The following TINAG variants were observed in gnomAD, a reference collection of about 807,000 sequenced individuals.
TINAG encodes tubulointerstitial nephritis antigen.
In TINAG, 83 loss-of-function variants were observed where a neutral mutation model predicts 72.7. The ratio of observed to expected loss-of-function variants is 1.14; its 90% CI spans 0.96 to 1.37. The LOEUF is 1.37. Ranked by LOEUF, TINAG falls within the 40% of genes most tolerant of loss-of-function variation. The probability of loss-of-function intolerance (pLI) is 0.00; values close to 1 mark genes in which losing one functional copy is unlikely to be tolerated. For missense variants in TINAG, 685 were observed against 576.6 expected (o/e 1.19, Z -1.93); for synonymous variants, 234 against 189.9 (o/e 1.23, Z -1.91).
intron 9 of TINAG, among the ~76,000 whole-genome samples, chr6:54,371,293 G>A (rs1489654116): frequency 2.6e-5 from 4 of 151,950 alleles, no homozygotes; most frequent in Non-Finnish European, 5.9e-5. Context: ...CAGGCAGGTC[G>A]TATGATCTCT....
intron 3 of TINAG, among the ~76,000 whole-genome samples, chr6:54,324,209 T>A (rs1743869994): frequency 6.6e-6 from 1 of 152,180 alleles, no homozygotes; most frequent in South Asian, 2.1e-4. Flanking sequence ...TCTTTTCACA[T>A]CAGCAATTTG....
intron 4 of TINAG, among the ~76,000 whole-genome samples, chr6:54,332,186 A>G (rs560248213): frequency 1.3e-5 from 2 of 152,136 alleles, no homozygotes; most frequent in Non-Finnish European, 2.9e-5. Flanking sequence ...AAGAACAAAG[A>G]TGGAGGCATC....
At chr6:54,370,500 C>T (rs1260067404) in intron 9 of TINAG, among the ~76,000 whole-genome samples, 1 of 151,940 alleles carries the variant, frequency 6.6e-6, no homozygotes, top group Non-Finnish European at 1.5e-5. Context: ...CAAGTTTATT[C>T]TTAATTCAAA....
At position 54,390,063 on chromosome 6, in the gene TINAG, C is replaced by T. The variant is rs1330886638; in HGVS notation, c.*138C>T. The T allele has an allele frequency of 1.2e-5, 15 of 1,213,274 alleles. No individual in the cohort carries two copies. Among genetic ancestry groups the T allele is most frequent in the South Asian group, 3.0e-5 (2 of 66,972 alleles). 75.2% of individuals were successfully genotyped at this position (1,213,274 alleles called of 1,614,324 possible). Reference sequence around the variant, plus strand: ...TAATCTATCTATTTTCTTATTTTCCCCTCTGGTCTATGCTTCTGCTTCCTT... The same window carrying T: ...TAATCTATCTATTTTCTTATTTTCCTCTCTGGTCTATGCTTCTGCTTCCTT... On this transcript the variant is annotated 3_prime_UTR_variant, in exon 11 of 11. Transcript: ENST00000259782.
intron 9 of TINAG, among the ~76,000 whole-genome samples, chr6:54,373,906 A>G (rs1395697477): frequency 6.6e-6 from 1 of 152,094 alleles, no homozygotes; most frequent in Non-Finnish European, 1.5e-5. Context: ...GTCAATTGTC[A>G]TTGATCATGA....
At chr6:54,339,221 A>C (rs942174116) in intron 4 of TINAG, among the ~76,000 whole-genome samples, 2 of 152,182 alleles carry the variant, frequency 1.3e-5, no homozygotes, top group African/African-American at 4.8e-5. Context: ...ACGGTTGCTT[A>C]AATAAGATAG....
In TINAG at chr6:54,325,931, A is replaced by G. The variant is rs546172103; in HGVS notation, c.510-871A>G. 3.3e-5 allele frequency among the ~76,000 whole-genome samples: 5 copies of G among 152,194 alleles called. No homozygotes were observed. In the East Asian group the frequency reaches 7.7e-4, roughly 23 times the overall value. ...AATTAAGTTGTGTTTTCAATGATTC[A>G]TAAGAGCCTATCACATTATAAACGA... is the stretch of plus-strand genomic sequence containing the variant. On this transcript the variant is annotated intron_variant, in intron 3 of 10. Transcript: ENST00000259782.
At chr6:54,351,573 T>C (rs1273964489) in intron 8 of TINAG, among the ~76,000 whole-genome samples, 176 bp downstream of exon 8, 1 of 151,972 alleles carries the variant, frequency 6.6e-6, no homozygotes, top group African/African-American at 2.4e-5. Flanking sequence ...TACCTATATC[T>C]TAATTAGCTG....
chr6:54,331,045 C>T (rs57918744), intron 4 of TINAG, among the ~76,000 whole-genome samples: 15,989 of 152,098 alleles, frequency 0.11, 1,584 homozygotes, highest in East Asian at 0.44. Context: ...GGAGCTGGTA[C>T]CATTTCTTCT....
chr6:54,354,780 A>T, intron 9 of TINAG, 144 bp downstream of exon 9: 1 of 962,812 alleles, frequency 1.0e-6, no homozygotes, highest in Non-Finnish European at 1.5e-6. Context: ...GCCACTATTT[A>T]GTCATTATTT....
chr6:54,310,390 C>T (rs1266024686), intron 1 of TINAG, among the ~76,000 whole-genome samples: 1 of 151,486 alleles, frequency 6.6e-6, no homozygotes, highest in African/African-American at 2.4e-5. Context: ...CTAGACTTTC[C>T]TTCCTTTCTT....
At chr6:54,344,571 C>A (rs1785075617) in intron 5 of TINAG, among the ~76,000 whole-genome samples, 1 of 152,146 alleles carries the variant, frequency 6.6e-6, no homozygotes, top group African/African-American at 2.4e-5. Context: ...TAAGGTGTTA[C>A]ACCTAGATCT....
chr6:54,325,443 C>T (rs1452418659), intron 3 of TINAG, among the ~76,000 whole-genome samples: 1 of 152,124 alleles, frequency 6.6e-6, no homozygotes, highest in African/African-American at 2.4e-5. Flanking sequence ...ATACCTTTCA[C>T]ACTTTTTGAG....
intron 10 of TINAG, among the ~76,000 whole-genome samples, chr6:54,386,383 G>A (rs533064790): frequency 6.6e-6 from 1 of 152,262 alleles, no homozygotes; most frequent in African/African-American, 2.4e-5. Flanking sequence ...TGCCATCAAA[G>A]TGTTGTCTGA....
In TINAG at chr6:54,347,397, C is replaced by CTAAG; in HGVS notation, c.780_783dup (p.Gly262Ter). ...GCTGCTGACCGAATAGCAATTCAGT[C>CTAAG]TAAGGGTCGATACACGGCCAATCTA... On this transcript the variant is annotated frameshift_variant, in exon 6 of 11. Coordinates refer to ENST00000259782, the MANE Select transcript of TINAG (RefSeq NM_014464.4). LOFTEE classifies it high-confidence loss of function. 1 of 1,613,100 alleles carries CTAAG rather than the reference C, an allele frequency of 6.2e-7. No individual in the cohort carries two copies. The highest frequency in any genetic ancestry group is 1.1e-5 in the South Asian group (1 of 91,046).
At chr6:54,329,261 C>T (rs2150943417) in intron 4 of TINAG, among the ~76,000 whole-genome samples, 1 of 152,246 alleles carries the variant, frequency 6.6e-6, no homozygotes, top group Middle Eastern at 3.4e-3. Flanking sequence ...GCCCATCAGA[C>T]TAAAAGTGGA....
chr6:54,355,209 T>G (rs1443791539), intron 9 of TINAG, among the ~76,000 whole-genome samples: 1 of 151,908 alleles, frequency 6.6e-6, no homozygotes, highest in Non-Finnish European at 1.5e-5. Flanking sequence ...ACAGTGTGGT[T>G]ATGAGACCAC....
intron 9 of TINAG, among the ~76,000 whole-genome samples, chr6:54,362,092 C>T (rs1763254052): frequency 6.6e-6 from 1 of 151,636 alleles, no homozygotes; most frequent in African/African-American, 2.4e-5. Flanking sequence ...GGAGAAACTG[C>T]AGCAAGTTAT....
chr6:54,319,104 C>T (rs1429640732), intron 1 of TINAG, among the ~76,000 whole-genome samples: 1 of 152,004 alleles, frequency 6.6e-6, no homozygotes, highest in Non-Finnish European at 1.5e-5. Flanking sequence ...CTTGAGATGT[C>T]TGTTCCATTT....
Sources: allele counts gnomAD v4.1 joint callset (sites outside exome capture counted in the v4.1 genomes callset), GRCh38; gene constraint gnomAD v4.1.1; transcripts MANE v1.5; gene names NCBI Gene and HGNC (gene_info 2026-07-23, HGNC 2026-07-21).